Variants in DEPDC7 observed in about 807,000 individuals in gnomAD.
The protein encoded by DEPDC7 is DEP domain containing 7, also known as DEP domain-containing protein 7.
DEPDC7 carries 41 observed loss-of-function variants against 56.6 expected under a neutral mutation model. That is an observed-to-expected ratio of 0.72 (90% CI 0.56 to 0.94). The LOEUF (loss-of-function observed/expected upper bound fraction) is 0.94. Ranked by LOEUF, DEPDC7 falls within the 40% of genes least tolerant of loss-of-function variation. The pLI is 0.00. For synonymous variants in DEPDC7, 185 were observed against 208.8 expected, an observed-to-expected ratio of 0.89 and a Z score of 0.98; for missense variants, 522 against 596.3, an observed-to-expected ratio of 0.88 and a Z score of 1.30.
chr11:33,032,873 C>T lies in DEPDC7; in HGVS notation c.1264-16C>T. On this transcript the variant is annotated splice_polypyrimidine_tract_variant and intron_variant, in intron 7 of 8. Transcript: ENST00000241051. ...ATGCATTTGAATAATGTCCCATGTC[C>T]CTTCTTTTTCTTAAGATTCCTGGAA... 2 of 1,593,662 alleles carry T rather than the reference C, an allele frequency of 1.3e-6. No homozygotes were observed. Among genetic ancestry groups the T allele is most frequent in the Non-Finnish European group, 8.5e-7 (1 of 1,170,144 alleles).
chr11:33,026,876 T>C (rs1483750067), intron 2 of DEPDC7, among the ~76,000 whole-genome samples: 1 of 152,110 alleles, frequency 6.6e-6, no homozygotes, highest in African/African-American at 2.4e-5. Context: ...GATCCTCCCA[T>C]CTTGTGCTCC....
At chr11:33,024,979 T>C (rs1041988290) in intron 1 of DEPDC7, among the ~76,000 whole-genome samples, 3 of 152,194 alleles carry the variant, frequency 2.0e-5, no homozygotes, top group African/African-American at 7.2e-5. Flanking sequence ...ACGTACCTCA[T>C]AGGTTGCTAT....
At chr11:33,032,579 A>G (rs978254869) in intron 6 of DEPDC7, 89 bp from the exon 7 acceptor site, 2 of 1,352,340 alleles carry the variant, frequency 1.5e-6, no homozygotes, top group Admixed American at 2.4e-5. Context: ...GCTGAAATGT[A>G]TAATAGCTAT....
intron 7 of DEPDC7, 22 bp from the exon 8 acceptor site, chr11:33,032,867 C>T: frequency 6.3e-7 from 1 of 1,589,910 alleles, no homozygotes; most frequent in Non-Finnish European, 8.6e-7. Flanking sequence ...AATAATGTCC[C>T]ATGTCCCTTC....
intron 4 of DEPDC7, among the ~76,000 whole-genome samples, chr11:33,030,633 G>C (rs1853623795): frequency 1.3e-5 from 2 of 152,038 alleles, no homozygotes; most frequent in Admixed American, 6.6e-5. Flanking sequence ...GCCCAGGCTG[G>C]AGTGCAGTGG....
chr11:33,032,923 A>G lies in DEPDC7; in HGVS notation c.1298A>G (p.Lys433Arg). 1 of 1,606,160 alleles carries G rather than the reference A, an allele frequency of 6.2e-7. No homozygotes were observed. The highest frequency in any genetic ancestry group is 8.5e-7 in the Non-Finnish European group (1 of 1,176,780). ...PGTLHKIVSV[K>R]LMAIQNGRDP... The stretch of plus-strand genomic sequence containing the variant: ...ACTCTACATAAAATTGTAAGTGTTA[A>G]GCTTATGGCCATACAGAACGGAAGA... Residue 433 changes from lysine (K) to arginine (R), a missense_variant, in exon 8 of 9, where the codon AAG becomes AGG. Coordinates refer to ENST00000241051, the MANE Select transcript of DEPDC7 (RefSeq NM_001077242.2).
Position 33,025,865 on chromosome 11 carries a change from A to C in DEPDC7, c.280A>C (p.Lys94Gln), listed in dbSNP as rs772979465. ...TGGTGATGTAGATATTCCTCGAGCC[A>C]AAGTGGTGAGAGTGTGTCAAGCGCT... ...YFGDVDIPRA[K>Q]VVRVCQALMD... is the part of the protein sequence containing the mutation. Residue 94 changes from lysine (K) to glutamine (Q), a missense_variant, in exon 2 of 9, where the codon AAA becomes CAA. Coordinates refer to ENST00000241051, the MANE Select transcript of DEPDC7 (RefSeq NM_001077242.2). 20 of 1,614,102 alleles carry C rather than the reference A, an allele frequency of 1.2e-5. No individual in the cohort carries two copies. The highest frequency in any genetic ancestry group is 3.3e-5 in the Admixed American group (2 of 59,998).
rs35371602 is a variant in DEPDC7 at position 33,024,802 on chromosome 11, C to CTGTGTGTG, written c.74-827_74-820dup. 2.5e-3 allele frequency among the ~76,000 whole-genome samples: 364 copies of CTGTGTGTG among 146,502 alleles called. 1 individual carries two copies. The highest frequency in any genetic ancestry group is 0.01 in the Middle Eastern group (3 of 288). ...AAATGTTGTTTTGTGATGCATGACT[C>CTGTGTGTG]TGTGTGTGTGTGTGTGTGTGTGTGT... is the stretch of plus-strand genomic sequence containing the variant. On this transcript the variant is annotated intron_variant, in intron 1 of 8. Transcript: ENST00000241051.
At position 33,032,695 on chromosome 11, in the gene DEPDC7, A is replaced by G. The variant is rs916590102; in HGVS notation, c.1165A>G (p.Ile389Val). 1.9e-6 allele frequency: 3 copies of G among 1,600,408 alleles called. No homozygotes were observed. Among genetic ancestry groups the G allele is most frequent in the Non-Finnish European group, 2.6e-6 (3 of 1,172,240 alleles). The change falls in exon 7 of 9, where the codon ATA becomes GTA. Residue 389 changes from isoleucine (I) to valine (V), a missense_variant. Transcript: ENST00000241051. ...TGACAACCGAATGGTTGTGAAAAGG[A>G]TATTCTCAAAAGCTATTGTTGACAA... ...ESDNRMVVKR[I>V]FSKAIVDNKN... is the part of the protein sequence containing the mutation.
chr11:33,032,471 A>C lies in DEPDC7; in HGVS notation c.1130A>C (p.Gln377Pro), dbSNP rs1005272726. Residue 377 changes from glutamine (Q) to proline (P), a missense_variant, in exon 6 of 9, where the codon CAG becomes CCG. Gln to Pro is a moderately conservative substitution (Grantham distance 76). Transcript: ENST00000241051. ...GCAAATCCTTCTGAGTTTAAATTAC[A>C]GAAAGAAGTAAGTCTTTTGTTTAAC... is the stretch of plus-strand genomic sequence containing the variant. ...VAANPSEFKL[Q>P]KESDNRMVVK... 4.5e-6 allele frequency: 7 copies of C among 1,558,192 alleles called. No homozygotes were observed. The African/African-American group carries it at 7.0e-5, about 16-fold the overall frequency.
In DEPDC7 at chr11:33,028,809, A is replaced by G; in HGVS notation, c.782+17A>G. The G allele has an allele frequency of 1.3e-6, 2 of 1,565,840 alleles. No homozygotes were observed. The highest frequency in any genetic ancestry group is 1.7e-6 in the Non-Finnish European group (2 of 1,156,200). On this transcript the variant is annotated intron_variant, in intron 4 of 8. Coordinates refer to ENST00000241051, the MANE Select transcript of DEPDC7 (RefSeq NM_001077242.2). ...TGACTCTCAGTATGTGGAAATACAT[A>G]TAATAATTTGAGTGTGTTTGTAGGT...
In DEPDC7 at chr11:33,025,812, T is replaced by C. The variant is rs1289057279; in HGVS notation, c.227T>C (p.Phe76Ser). Residue 76 changes from phenylalanine (F) to serine (S), a missense_variant, in exon 2 of 9, where the codon TTT (phenylalanine) becomes TCT (serine). Phe to Ser is a radical substitution (Grantham distance 155). Coordinates refer to ENST00000241051, the MANE Select transcript of DEPDC7 (RefSeq NM_001077242.2). The stretch of plus-strand genomic sequence containing the variant: ...GGTTCAGAAGCTGTGGATGTCATTT[T>C]TTCTCACCTAATTCAGAATAAGTAT... ...FVGSEAVDVIFSHLIQNKYFG... is the reference protein window; with the variant it reads ...FVGSEAVDVISSHLIQNKYFG... 2 of 1,614,224 alleles carry C rather than the reference T, an allele frequency of 1.2e-6. No individual in the cohort carries two copies. Among genetic ancestry groups the C allele is most frequent in the East Asian group, 4.5e-5 (2 of 44,878 alleles).
intron 1 of DEPDC7, among the ~76,000 whole-genome samples, chr11:33,023,030 C>T (rs930728930): frequency 6.6e-6 from 1 of 151,952 alleles, no homozygotes; most frequent in Non-Finnish European, 1.5e-5. Context: ...TCGAGACCAT[C>T]CTGGCTAACA....
intron 2 of DEPDC7, 70 bp downstream of exon 2, chr11:33,026,119 A>G (rs1287665712): frequency 2.6e-6 from 4 of 1,538,514 alleles, no homozygotes; most frequent in Admixed American, 3.4e-5. Flanking sequence ...TGAGATGCCT[A>G]CTGGCTTTAT....
chr11:33,019,108 C>T (rs894480904), intron 1 of DEPDC7, among the ~76,000 whole-genome samples: 4 of 152,156 alleles, frequency 2.6e-5, no homozygotes, highest in African/African-American at 9.7e-5. Context: ...AGTCACAGCA[C>T]CTAGCACTGT....
intron 1 of DEPDC7, among the ~76,000 whole-genome samples, chr11:33,019,484 G>A (rs986828314): frequency 1.3e-5 from 2 of 151,898 alleles, no homozygotes; most frequent in African/African-American, 4.8e-5. Flanking sequence ...TGGCCAATGC[G>A]ACAAAACCCC....
At position 33,027,790 on chromosome 11, in the gene DEPDC7, T is replaced by C; in HGVS notation, c.569T>C (p.Ile190Thr). 3 of 1,576,360 alleles carry C rather than the reference T, an allele frequency of 1.9e-6. 1 individual carries two copies. The highest frequency in any genetic ancestry group is 3.3e-4 in the Middle Eastern group (2 of 5,984). ...LKPANSPHVNISATLSPQVIN... is the reference protein window; with the variant it reads ...LKPANSPHVNTSATLSPQVIN... The stretch of plus-strand genomic sequence containing the variant: ...CCTGCCAACTCCCCTCATGTAAATA[T>C]CTCTGCAACCTTGTCTCCACAAGGT... Residue 190 changes from isoleucine (I) to threonine (T), a missense_variant, in exon 3 of 9, where the codon ATC becomes ACC. By Grantham distance (89) the Ile-to-Thr change is moderately conservative. Transcript: ENST00000241051.
chr11:33,029,838 T>C (rs1193059536), intron 4 of DEPDC7, among the ~76,000 whole-genome samples: 1 of 152,246 alleles, frequency 6.6e-6, no homozygotes, highest in Non-Finnish European at 1.5e-5. Context: ...CTATAAACAG[T>C]TGAATGCCAA....
At chr11:33,019,677 A>G (rs984677587) in intron 1 of DEPDC7, among the ~76,000 whole-genome samples, 1 of 152,204 alleles carries the variant, frequency 6.6e-6, no homozygotes, top group African/African-American at 2.4e-5. Flanking sequence ...AAAAAGAAAA[A>G]AAAGTAAGTT....
Sources: gnomAD v4.1 joint callset for allele counts (sites outside exome capture counted in the v4.1 genomes callset) on GRCh38, gnomAD v4.1.1 for gene constraint, MANE v1.5 for transcripts, NCBI Gene and HGNC (gene_info 2026-07-23, HGNC 2026-07-21) for gene names.